C12orf75: variants seen among roughly 807,000 people sequenced by gnomAD.
C12orf75 encodes overexpressed in colon carcinoma 1 protein.
Under a neutral mutation model 11.4 loss-of-function variants are expected in C12orf75, and 4 were observed. The ratio of observed to expected loss-of-function variants is 0.35; its 90% CI spans 0.17 to 0.80. The LOEUF (loss-of-function observed/expected upper bound fraction) is 0.80. Ranked by LOEUF, C12orf75 falls within the 30% of genes least tolerant of loss-of-function variation. The pLI is 0.52. For missense variants in C12orf75, 89 were observed against 80.4 expected, an observed-to-expected ratio of 1.11 and a Z score of -0.41; for synonymous variants, 30 against 30.0, an observed-to-expected ratio of 1.00 and a Z score of 0.00.
rs145939121 is a variant in C12orf75 at position 105,335,617 on chromosome 12, T to G, written c.46+4680T>G. Among the ~76,000 whole-genome samples, 46 of 152,168 alleles carry G rather than the reference T, an allele frequency of 3.0e-4. No individual in the cohort carries two copies. The East Asian group carries it at 8.1e-3, about 27-fold the overall frequency. On this transcript the variant is annotated intron_variant, in intron 1 of 5. Transcript: ENST00000443585. Reference sequence around the variant, plus strand: ...GGAGGCCTCATGAAAGCCTATACATTTTGTTTACGGCTGTATCCTCAGCCT... The same window carrying G: ...GGAGGCCTCATGAAAGCCTATACATGTTGTTTACGGCTGTATCCTCAGCCT...
intron 1 of C12orf75, among the ~76,000 whole-genome samples, chr12:105,348,197 T>G (rs925578273): frequency 6.6e-6 from 1 of 152,138 alleles, no homozygotes. Flanking sequence ...GGAGGATTGC[T>G]TAAGCCCAGG....
chr12:105,369,385 C>T lies in C12orf75; in HGVS notation c.*34-1249C>T, dbSNP rs556924964. On this transcript the variant is annotated intron_variant, in intron 5 of 5. Coordinates refer to ENST00000443585, the MANE Select transcript of C12orf75 (RefSeq NM_001145199.2). Reference sequence around the variant, plus strand: ...GCACCCCTCTCTCTCCTCAACTTTCCCCATTCTTTAACTCTTTCTTTTTTT... The same window carrying T: ...GCACCCCTCTCTCTCCTCAACTTTCTCCATTCTTTAACTCTTTCTTTTTTT... Among the ~76,000 whole-genome samples the T allele has an allele frequency of 3.3e-5, 5 of 152,240 alleles. No individual in the cohort carries two copies. The South Asian group carries it at 1.0e-3, about 32-fold the overall frequency.
chr12:105,358,711 G>A (rs1892820031), intron 2 of C12orf75, among the ~76,000 whole-genome samples: 2 of 152,174 alleles, frequency 1.3e-5, no homozygotes, highest in South Asian at 4.1e-4. Context: ...GCAATTTACC[G>A]ATAGGTTTTC....
rs577209081 is a variant in C12orf75, at chr12:105,331,480, G to A, written c.46+543G>A. Among the ~76,000 whole-genome samples the A allele has an allele frequency of 1.2e-4, 19 of 152,224 alleles. No individual in the cohort carries two copies. The East Asian group carries it at 3.1e-3, about 25-fold the overall frequency. ...CATCTGTGTCTGCCTTGATGCCGAA[G>A]ACCGGCTGGGCTGCTCTTAGGATTT... On this transcript the variant is annotated intron_variant, in intron 1 of 5. Transcript: ENST00000443585.
intron 1 of C12orf75, among the ~76,000 whole-genome samples, chr12:105,337,909 A>G (rs1247983817): frequency 2.0e-5 from 3 of 152,184 alleles, no homozygotes. Context: ...CCTTGCTTCA[A>G]AGTGTAACTA....
intron 1 of C12orf75, among the ~76,000 whole-genome samples, chr12:105,333,332 C>T (rs1045264485): frequency 6.6e-6 from 1 of 152,216 alleles, no homozygotes; most frequent in African/African-American, 2.4e-5. Context: ...TGCAAAGGTA[C>T]TGAAAATCTC....
intron 1 of C12orf75, among the ~76,000 whole-genome samples, chr12:105,339,510 T>C (rs11112477): frequency 0.22 from 33,152 of 151,980 alleles, 5,082 homozygotes; most frequent in East Asian, 0.51. Context: ...TAGCAATTCA[T>C]TTACCTGTGA....
At position 105,371,175 on chromosome 12, in the gene C12orf75, T is replaced by G. The variant is rs566177199; in HGVS notation, c.*575T>G. 6.5e-6 allele frequency: 1 copy of G among 153,850 alleles called. No homozygotes were observed. Among genetic ancestry groups the G allele is most frequent in the East Asian group, 1.9e-4 (1 of 5,242 alleles). 9.5% of individuals were successfully genotyped at this position (153,850 alleles called of 1,614,324 possible). On this transcript the variant is annotated 3_prime_UTR_variant, in exon 6 of 6. Transcript: ENST00000443585. ...TACTATTTGGTTTTCAAATTTCATTTAAATGTCAGAATTTCCTTTTTTAGG... is the reference window on the plus strand; with the variant it reads ...TACTATTTGGTTTTCAAATTTCATTGAAATGTCAGAATTTCCTTTTTTAGG...
chr12:105,350,906 T>C (rs1293932345), intron 2 of C12orf75, among the ~76,000 whole-genome samples: 1 of 152,228 alleles, frequency 6.6e-6, no homozygotes, highest in Non-Finnish European at 1.5e-5. Context: ...GCCATTTAAC[T>C]ACTTAACTAT....
rs11112481 is a variant in C12orf75 at position 105,340,250 on chromosome 12, C to A, written c.47-8352C>A. Among the ~76,000 whole-genome samples the A allele has an allele frequency of 7.7e-3, 1,171 of 151,700 alleles. 9 individuals are homozygous for A. Among genetic ancestry groups the A allele is most frequent in the Non-Finnish European group, 0.01 (697 of 67,898 alleles). On this transcript the variant is annotated intron_variant, in intron 1 of 5. Coordinates refer to ENST00000443585, the MANE Select transcript of C12orf75 (RefSeq NM_001145199.2). ...ACCATCCTTGCTAACACAGTGAAAC[C>A]CCATCTCTACTAAAAATACAAAAAA...
At position 105,330,918 on chromosome 12, in the gene C12orf75, C is replaced by A; in HGVS notation, c.27C>A (p.Thr9=). The A allele has an allele frequency of 6.5e-5, 81 of 1,242,038 alleles. No individual in the cohort carries two copies. Among genetic ancestry groups the A allele is most frequent in the Non-Finnish European group, 8.0e-5 (80 of 995,320 alleles). The allele number at this position is 1,242,038 out of a possible 1,614,324, so 76.9% of individuals were successfully genotyped here. ...TGGGCTGCGGGAACTCCACCGCCACCAGCGCGGGCGCGGGCCAAGGTGAGT... is the reference window on the plus strand; with the variant it reads ...TGGGCTGCGGGAACTCCACCGCCACAAGCGCGGGCGCGGGCCAAGGTGAGT... MGCGNSTA[T]SAGAGQGPAG... is the part of the protein sequence containing the mutation. The change falls in exon 1 of 6, where the codon ACC becomes ACA. Residue 9 remains threonine (T), a synonymous_variant. Transcript: ENST00000443585.
intron 1 of C12orf75, among the ~76,000 whole-genome samples, chr12:105,339,686 C>T (rs187317169): frequency 8.6e-5 from 13 of 152,006 alleles, no homozygotes; most frequent in Non-Finnish European, 1.8e-4. Flanking sequence ...GCGTGATCTC[C>T]GCTCACTGCA....
chr12:105,335,701 A>G (rs1366342866), intron 1 of C12orf75, among the ~76,000 whole-genome samples: 4 of 150,524 alleles, frequency 2.7e-5, no homozygotes, highest in Non-Finnish European at 5.9e-5. Context: ...TGTGTGAAAC[A>G]CTTTTTTGCT....
In C12orf75 at chr12:105,358,385, G is replaced by C. The variant is rs1225877206; in HGVS notation, c.72-7422G>C. Among the ~76,000 whole-genome samples, 5 of 152,088 alleles carry C rather than the reference G, an allele frequency of 3.3e-5. No homozygotes were observed. The East Asian group carries it at 9.6e-4, about 29-fold the overall frequency. On this transcript the variant is annotated intron_variant, in intron 2 of 5. Coordinates refer to ENST00000443585, the MANE Select transcript of C12orf75 (RefSeq NM_001145199.2). ...AAAAACATATATGTTAGCCAGGTGC[G>C]GGGTGTGCGCCTGTGGTGCCAGCTG...
intron 2 of C12orf75, among the ~76,000 whole-genome samples, chr12:105,354,405 C>T (rs893590280): frequency 6.6e-6 from 1 of 152,192 alleles, no homozygotes; most frequent in Non-Finnish European, 1.5e-5. Context: ...TTATCTCCTT[C>T]CATACCCATG....
chr12:105,342,200 C>T (rs1355420667), intron 1 of C12orf75, among the ~76,000 whole-genome samples: 1 of 152,090 alleles, frequency 6.6e-6, no homozygotes, highest in Non-Finnish European at 1.5e-5. Flanking sequence ...GAGGTGGGAC[C>T]TAATAAGAAG....
chr12:105,336,012 G>T (rs1000428731), intron 1 of C12orf75, among the ~76,000 whole-genome samples: 1 of 152,212 alleles, frequency 6.6e-6, no homozygotes, highest in Non-Finnish European at 1.5e-5. Context: ...AGTGGAACTT[G>T]ATTTGGGTTT....
chr12:105,369,707 A>G (rs11112493), intron 5 of C12orf75, among the ~76,000 whole-genome samples: 33,736 of 151,908 alleles, frequency 0.22, 4,122 homozygotes, highest in African/African-American at 0.29. Context: ...AGAACATGCG[A>G]TGTTTAGCTG....
At chr12:105,359,934 C>T (rs17188294) in intron 2 of C12orf75, among the ~76,000 whole-genome samples, 11,121 of 152,222 alleles carry the variant, frequency 0.073, 495 homozygotes, top group Non-Finnish European at 0.1. Context: ...TCAAGTGCAG[C>T]AGGACAGTTT....
Sources: gnomAD v4.1 joint callset for allele counts (sites outside exome capture counted in the v4.1 genomes callset) on GRCh38, gnomAD v4.1.1 for gene constraint, MANE v1.5 for transcripts, NCBI Gene and HGNC (gene_info 2026-07-23, HGNC 2026-07-21) for gene names.